SPATA21: variants seen among roughly 807,000 people sequenced by gnomAD.
SPATA21 encodes the protein spermatogenesis-associated protein 21.
Under a neutral mutation model 54.8 loss-of-function variants are expected in SPATA21, and 47 were observed. That is an observed-to-expected ratio of 0.86 (90% CI 0.68 to 1.09). The LOEUF (loss-of-function observed/expected upper bound fraction) is 1.09. SPATA21 is among the 50% of genes least tolerant of loss of function. SPATA21 has a pLI of 0.00. For synonymous variants in SPATA21, 245 were observed against 235.3 expected, an observed-to-expected ratio of 1.04 and a Z score of -0.38; for missense variants, 599 against 596.4, an observed-to-expected ratio of 1.00 and a Z score of -0.05.
chr1:16,411,759 C>T (rs2085852024), intron 5 of SPATA21, among the ~76,000 whole-genome samples: 1 of 144,054 alleles, frequency 6.9e-6, no homozygotes, highest in Non-Finnish European at 1.5e-5. Context: ...CATTGCACTC[C>T]AGCCTGGGTG....
intron 3 of SPATA21, 129 bp from the exon 4 acceptor site, chr1:16,422,100 C>T (rs180778517): frequency 6.4e-7 from 1 of 1,554,226 alleles, no homozygotes; most frequent in African/African-American, 1.4e-5. Context: ...GTGCTTGCCT[C>T]CCAGTGGCTG....
Position 16,427,456 on chromosome 1 carries a change from T to A in SPATA21, c.34+3882A>T, listed in dbSNP as rs562338506. On this transcript the variant is annotated intron_variant, in intron 3 of 12. Coordinates refer to ENST00000335496, the MANE Select transcript of SPATA21 (RefSeq NM_198546.1). Reference sequence around the variant, plus strand: ...ATACATTCTTGCTGTAGAAAAGTTTTAAAAAAACACAAAATTTAGAAAACA... The same window carrying A: ...ATACATTCTTGCTGTAGAAAAGTTTAAAAAAAACACAAAATTTAGAAAACA... 2.3e-3 allele frequency among the ~76,000 whole-genome samples: 348 copies of A among 152,282 alleles called. 4 individuals are homozygous for A. Among genetic ancestry groups the A allele is most frequent in the African/African-American group, 7.8e-3 (325 of 41,568 alleles).
intron 5 of SPATA21, among the ~76,000 whole-genome samples, 200 bp from the exon 6 acceptor site, chr1:16,410,243 G>A (rs11584737): frequency 0.3 from 45,606 of 151,888 alleles, 7,098 homozygotes; most frequent in Non-Finnish European, 0.33. Flanking sequence ...CCACATCCAA[G>A]TGAGCTGTAT....
chr1:16,402,740 G>C (rs940447530), intron 10 of SPATA21, among the ~76,000 whole-genome samples: 3 of 151,768 alleles, frequency 2.0e-5, no homozygotes, highest in African/African-American at 7.3e-5. Context: ...CTTTTGGCTG[G>C]ATGTGGTGGC....
intron 5 of SPATA21, among the ~76,000 whole-genome samples, chr1:16,410,438 C>G (rs1382285078): frequency 1.3e-5 from 2 of 149,682 alleles, no homozygotes; most frequent in Non-Finnish European, 1.5e-5. Context: ...TGAGACGAAG[C>G]CTTGCTCTGT....
At chr1:16,420,502 G>C (rs2086139758) in intron 5 of SPATA21, among the ~76,000 whole-genome samples, 1 of 151,928 alleles carries the variant, frequency 6.6e-6, no homozygotes, top group African/African-American at 2.4e-5. Flanking sequence ...GGGCAACAGA[G>C]ACTCTGTCTC....
chr1:16,405,417 A>C (rs958399191), intron 7 of SPATA21, among the ~76,000 whole-genome samples: 1 of 146,818 alleles, frequency 6.8e-6, no homozygotes, highest in African/African-American at 2.5e-5. Flanking sequence ...CTGAGATAGG[A>C]GGATTGCTTG....
Position 16,398,665 on chromosome 1 carries a change from C to T in SPATA21, c.*100G>A. 7.4e-7 allele frequency: 1 copy of T among 1,345,224 alleles called. No individual in the cohort carries two copies. The highest frequency in any genetic ancestry group is 2.4e-5 in the East Asian group (1 of 42,126). 83.3% of individuals were successfully genotyped at this position (1,345,224 alleles called of 1,614,324 possible). A position where few individuals can be genotyped will look rare whatever the true frequency, so the allele number is the denominator to read the frequency against. On this transcript the variant is annotated 3_prime_UTR_variant, in exon 13 of 13. Transcript: ENST00000335496. ...GGCTGAAGTTATTGGTGTTTATTAG[C>T]TCACCAGGCCACAAAAGCAAATCCC... is the stretch of plus-strand genomic sequence containing the variant.
At position 16,399,526 on chromosome 1, in the gene SPATA21, T is replaced by TGAAGAAGGAG. The variant is rs1195339001; in HGVS notation, c.1175-15_1175-6dup. The TGAAGAAGGAG allele has an allele frequency of 6.2e-7, 1 of 1,611,432 alleles. No homozygotes were observed. The highest frequency in any genetic ancestry group is 1.3e-5 in the African/African-American group (1 of 74,844). On this transcript the variant is annotated splice_polypyrimidine_tract_variant and splice_region_variant and intron_variant, in intron 11 of 12. Coordinates refer to ENST00000335496, the MANE Select transcript of SPATA21 (RefSeq NM_198546.1). ...AGGGGCTCTGCAGGTTGGGAGCTGG[T>TGAAGAAGGAG]GAAGAAGGAGGCAGAAGGAGGAATG...
At chr1:16,411,510 G>T (rs944706883) in intron 5 of SPATA21, among the ~76,000 whole-genome samples, 14 of 152,042 alleles carry the variant, frequency 9.2e-5, no homozygotes, top group African/African-American at 2.2e-4. Flanking sequence ...AACAAAACAG[G>T]CCAGGCAAGG....
At chr1:16,401,031 C>G (rs568607798) in intron 10 of SPATA21, 139 bp from the exon 11 acceptor site, 168 of 1,027,434 alleles carry the variant, frequency 1.6e-4, no homozygotes, top group Middle Eastern at 1.3e-3. Context: ...AGTCTCAGCT[C>G]AGCCCTTTCT....
intron 1 of SPATA21, among the ~76,000 whole-genome samples, chr1:16,435,388 C>G (rs374524875): frequency 6.6e-6 from 1 of 152,010 alleles, no homozygotes; most frequent in Non-Finnish European, 1.5e-5. Flanking sequence ...CTAGTTCCAG[C>G]TCACTGCAAC....
chr1:16,398,348 C>T (rs938823611), downstream of SPATA21, among the ~76,000 whole-genome samples: 7 of 151,994 alleles, frequency 4.6e-5, no homozygotes, highest in South Asian at 2.1e-4. Flanking sequence ...GGGGCTCTGT[C>T]GGGGGAGCAT....
chr1:16,418,571 C>CT (rs538274194), intron 5 of SPATA21, among the ~76,000 whole-genome samples: 2,392 of 146,484 alleles, frequency 0.016, 18 homozygotes, highest in African/African-American at 0.026. Flanking sequence ...CATACCCTCT[C>CT]TTTTTTTTTT....
intron 12 of SPATA21, 117 bp from the exon 13 acceptor site, chr1:16,398,939 A>G (rs1161405296): frequency 9.2e-7 from 1 of 1,090,650 alleles, no homozygotes; most frequent in Non-Finnish European, 1.3e-6. Flanking sequence ...CCCCTCAGAA[A>G]TGGTGGAACC....
Position 16,409,475 on chromosome 1 carries a change from G to T in SPATA21, c.587+126C>A. The T allele has an allele frequency of 9.7e-7, 1 of 1,027,308 alleles. No homozygotes were observed. Among genetic ancestry groups the T allele is most frequent in the Non-Finnish European group, 1.4e-6 (1 of 711,416 alleles). 63.6% of individuals were successfully genotyped at this position (1,027,308 alleles called of 1,614,324 possible). A position where few individuals can be genotyped will look rare whatever the true frequency, so the allele number is the denominator to read the frequency against. On this transcript the variant is annotated intron_variant, in intron 6 of 12. Transcript: ENST00000335496. This position sits in a 1 kb window ranked among gnomAD's most constrained non-coding sequence, Gnocchi z 4.1. ...GGAGATGCGGAGAGGAGACACATGAGGAGAAATGGAGAGAGGGGGACACAC... is the reference window on the plus strand; with the variant it reads ...GGAGATGCGGAGAGGAGACACATGATGAGAAATGGAGAGAGGGGGACACAC...
intron 5 of SPATA21, among the ~76,000 whole-genome samples, chr1:16,418,158 GCCCT>G (rs2086067067): frequency 2.0e-5 from 3 of 152,198 alleles, no homozygotes; most frequent in Non-Finnish European, 4.4e-5. Context: ...GCTAAATTGT[GCCCT>G]CTCCTCTTCT....
At chr1:16,398,147 A>G (rs554372198), downstream of SPATA21, 1 of 401,826 alleles carries the variant, frequency 2.5e-6, no homozygotes, top group South Asian at 1.0e-4. Flanking sequence ...AACTTGTCAG[A>G]TCTTTGTCCT....
At chr1:16,405,207 G>C in intron 7 of SPATA21, 103 bp from the exon 8 acceptor site, 2 of 1,484,458 alleles carry the variant, frequency 1.3e-6, no homozygotes, top group Non-Finnish European at 1.8e-6. Context: ...ACCATCAAAA[G>C]TGAAAATAAA....
Sources: allele counts gnomAD v4.1 joint callset (sites outside exome capture counted in the v4.1 genomes callset), GRCh38; gene constraint gnomAD v4.1.1; non-coding constraint Gnocchi (gnomAD v3.1); transcripts MANE v1.5; gene names NCBI Gene and HGNC (gene_info 2026-07-23, HGNC 2026-07-21).